The following FKBP9 variants were observed in gnomAD, a reference collection of about 807,000 sequenced individuals.
FKBP9 encodes FKBP prolyl isomerase 9.
A neutral mutation model predicts 55.6 loss-of-function variants in FKBP9; 27 were observed. The observed-to-expected ratio is 0.49, with a 90% CI of 0.36 to 0.67. The LOEUF is 0.67. FKBP9 is among the 30% of genes least tolerant of loss of function. FKBP9 has a pLI of 0.00. For synonymous variants in FKBP9, 267 were observed against 296.5 expected, an observed-to-expected ratio of 0.90 and a Z score of 1.02; for missense variants, 539 against 742.8, an observed-to-expected ratio of 0.73 and a Z score of 3.19.
chr7:33,003,431 C>T (rs1056354312), intron 9 of FKBP9, among the ~76,000 whole-genome samples: 15 of 152,134 alleles, frequency 9.9e-5, no homozygotes, highest in Non-Finnish European at 1.9e-4. Context: ...TATTATTTTC[C>T]CTTCCCTGGA....
rs374244545 is a variant in FKBP9, at chr7:32,996,246, T to A, written c.1123T>A (p.Ser375Thr). 6 of 1,613,832 alleles carry A rather than the reference T, an allele frequency of 3.7e-6. No homozygotes were observed. In the African/African-American group the frequency reaches 6.7e-5, roughly 18 times the overall value. Residue 375 changes from serine (S) to threonine (T), a missense_variant, in exon 7 of 10, where the codon TCC (serine) becomes ACC (threonine). By Grantham distance (58) the Ser-to-Thr change is moderately conservative. Transcript: ENST00000242209. ...CCCTTCGGACTCCATCAGCATCACC[T>A]CCCACTACAAACCCCCTGACTGCTC... Reference protein sequence around the residue: ...HNPSDSISITSHYKPPDCSVL... With the variant: ...HNPSDSISITTHYKPPDCSVL...
chr7:32,971,519 C>T (rs773423817), intron 1 of FKBP9, among the ~76,000 whole-genome samples: 1 of 152,026 alleles, frequency 6.6e-6, no homozygotes, highest in Non-Finnish European at 1.5e-5. Flanking sequence ...CTCACTCTGT[C>T]ACCCAGGATG....
At chr7:32,984,857 AT>A (rs1162741090) in intron 5 of FKBP9, among the ~76,000 whole-genome samples, 1 of 152,076 alleles carries the variant, frequency 6.6e-6, no homozygotes, top group African/African-American at 2.4e-5. Context: ...CTAAAAGGTG[AT>A]TTTTGTTATG....
chr7:32,979,098 G>A (rs1295917204), intron 4 of FKBP9, among the ~76,000 whole-genome samples: 5 of 151,958 alleles, frequency 3.3e-5, no homozygotes, highest in Non-Finnish European at 7.4e-5. Flanking sequence ...GGGAAACCCC[G>A]TCTCTACTAA....
chr7:32,973,295 A>G (rs1484314098), intron 1 of FKBP9, among the ~76,000 whole-genome samples: 3 of 152,072 alleles, frequency 2.0e-5, no homozygotes, highest in Non-Finnish European at 4.4e-5. Flanking sequence ...TTCCTTATTT[A>G]TCTTTTGATC....
chr7:32,992,325 G>C (rs1306081859), intron 6 of FKBP9, among the ~76,000 whole-genome samples: 2 of 147,694 alleles, frequency 1.4e-5, no homozygotes, highest in African/African-American at 5.0e-5. Flanking sequence ...CTCTGCAGAG[G>C]AAACCCACCC....
intron 1 of FKBP9, chr7:32,963,669 A>G (rs546916600): frequency 3.0e-5 from 43 of 1,451,802 alleles, no homozygotes; most frequent in Non-Finnish European, 3.6e-5. Flanking sequence ...AAGGATCTCC[A>G]ATTCCTTGTG....
intron 5 of FKBP9, among the ~76,000 whole-genome samples, chr7:32,986,143 G>A (rs540800288): frequency 2.6e-5 from 4 of 152,306 alleles, no homozygotes; most frequent in Admixed American, 2.0e-4. Context: ...CCGCCACTCC[G>A]TCTCTCCTTC....
intron 1 of FKBP9, among the ~76,000 whole-genome samples, chr7:32,974,201 G>GC (rs1452962462): frequency 2.0e-5 from 3 of 151,192 alleles, no homozygotes; most frequent in African/African-American, 7.3e-5. Context: ...AGTAGAGGCG[G>GC]GGGGGCCTCA....
Position 32,980,415 on chromosome 7 carries a change from A to T in FKBP9, c.755A>T (p.Asp252Val). The T allele has an allele frequency of 6.2e-7, 1 of 1,613,386 alleles. No individual in the cohort carries two copies. Among genetic ancestry groups the T allele is most frequent in the Non-Finnish European group, 8.5e-7 (1 of 1,179,768 alleles). The change falls in exon 5 of 10, where the codon GAC becomes GTC. Residue 252 changes from aspartate (D) to valine (V), a missense_variant. Coordinates refer to ENST00000242209, the MANE Select transcript of FKBP9 (RefSeq NM_007270.5). ...CTGGTGTTTGATGTTGCATTATTGGACCTCCATAACCCCAAGGACAGCATT... is the reference window on the plus strand; with the variant it reads ...CTGGTGTTTGATGTTGCATTATTGGTCCTCCATAACCCCAAGGACAGCATT... The part of the protein sequence containing the change: ...ASLVFDVALL[D>V]LHNPKDSISI...
chr7:32,982,046 A>G (rs541412748), intron 5 of FKBP9, among the ~76,000 whole-genome samples: 2 of 142,306 alleles, frequency 1.4e-5, no homozygotes, highest in Non-Finnish European at 3.0e-5. Context: ...TTTGAGGCAG[A>G]GTCTCACTCT....
At chr7:32,981,266 G>C (rs1192671723) in intron 5 of FKBP9, among the ~76,000 whole-genome samples, 4 of 152,196 alleles carry the variant, frequency 2.6e-5, no homozygotes, top group Non-Finnish European at 4.4e-5. Flanking sequence ...TTAGATTAAA[G>C]AGATAAGGTA....
chr7:32,987,493 TC>T (rs70989918), intron 5 of FKBP9, among the ~76,000 whole-genome samples: 138,322 of 145,084 alleles, frequency 0.95, 66,012 homozygotes, highest in East Asian at 0.99. Flanking sequence ...AGACCCTGTC[TC>T]CAAAAAAAAA....
At position 32,957,757 on chromosome 7, in the gene FKBP9, G is replaced by C; in HGVS notation, c.184G>C (p.Val62Leu). The part of the protein sequence containing the change: ...RSGDFVRYHY[V>L]GTFPDGQKFD... ...CGGCGACTTCGTGCGCTACCACTACGTGGGGACGTTCCCCGACGGCCAGAA... is the reference window on the plus strand; with the variant it reads ...CGGCGACTTCGTGCGCTACCACTACCTGGGGACGTTCCCCGACGGCCAGAA... The change falls in exon 1 of 10, where the codon GTG becomes CTG. Residue 62 changes from valine to leucine, a missense_variant. Around this residue, in one of 4 missense-constraint regions of FKBP9, gnomAD observed 236 missense variants for 271.5 expected, o/e 0.87. Coordinates refer to ENST00000242209, the MANE Select transcript of FKBP9 (RefSeq NM_007270.5). 6.7e-7 allele frequency: 1 copy of C among 1,492,312 alleles called. No individual in the cohort carries two copies. The highest frequency in any genetic ancestry group is 8.9e-7 in the Non-Finnish European group (1 of 1,124,928). 92.4% of individuals were successfully genotyped at this position (1,492,312 alleles called of 1,614,324 possible).
chr7:32,990,611 T>C (rs1784661608), intron 6 of FKBP9, among the ~76,000 whole-genome samples: 1 of 152,232 alleles, frequency 6.6e-6, no homozygotes, highest in South Asian at 2.1e-4. Flanking sequence ...TGGGATTGTC[T>C]ATGCGTATTA....
intron 9 of FKBP9, among the ~76,000 whole-genome samples, chr7:33,003,836 A>C (rs1202047903): frequency 6.6e-6 from 1 of 151,600 alleles, no homozygotes; most frequent in African/African-American, 2.4e-5. Context: ...TCTTTAAGTC[A>C]CTCGCTCAGT....
intron 5 of FKBP9, among the ~76,000 whole-genome samples, chr7:32,986,065 G>A (rs868508476): frequency 6.6e-6 from 1 of 152,158 alleles, no homozygotes; most frequent in Non-Finnish European, 1.5e-5. Flanking sequence ...TTCCATTGGG[G>A]AACAGGATGG....
chr7:32,982,090 G>T (rs1268926968), intron 5 of FKBP9, among the ~76,000 whole-genome samples: 3 of 145,478 alleles, frequency 2.1e-5, no homozygotes, highest in Non-Finnish European at 4.5e-5. Flanking sequence ...GCACAATCTT[G>T]GCTCACTGCA....
At position 32,963,707 on chromosome 7, in the gene FKBP9, CT is replaced by C. The variant is rs1239290646; in HGVS notation, c.221+5916del. 6 of 1,352,534 alleles carry C rather than the reference CT, an allele frequency of 4.4e-6. No homozygotes were observed. The Middle Eastern group carries it at 5.8e-4, about 130-fold the overall frequency. 83.8% of individuals were successfully genotyped at this position (1,352,534 alleles called of 1,614,324 possible). A position where few individuals can be genotyped will look rare whatever the true frequency, so the allele number is the denominator to read the frequency against. The stretch of plus-strand genomic sequence containing the variant: ...GGTCCAGAATCATGGACTGAGGTGA[CT>C]TTCTGCCTCTCTCCAAGGGGTTGCA... On this transcript the variant is annotated intron_variant, in intron 1 of 9. Coordinates refer to ENST00000242209, the MANE Select transcript of FKBP9 (RefSeq NM_007270.5).
Sources: allele counts gnomAD v4.1 joint callset (sites outside exome capture counted in the v4.1 genomes callset), GRCh38; gene constraint gnomAD v4.1.1; regional missense constraint gnomAD v4.1.1; transcripts MANE v1.5; gene names NCBI Gene and HGNC (gene_info 2026-07-23, HGNC 2026-07-21).